The following FBXO44 variants were observed in gnomAD, a reference collection of about 807,000 sequenced individuals.
FBXO44 encodes F-box protein 44, also known as F-box only protein 44.
In FBXO44, 25 loss-of-function variants were observed where a neutral mutation model predicts 33.5. The ratio of observed to expected loss-of-function variants is 0.75; its 90% CI spans 0.54 to 1.04. The LOEUF is 1.04. Ranked by LOEUF, FBXO44 falls within the 50% of genes least tolerant of loss-of-function variation. The pLI is 0.00. For synonymous variants in FBXO44, 147 were observed against 152.8 expected, an observed-to-expected ratio of 0.96 and a Z score of 0.28; for missense variants, 311 against 344.0, an observed-to-expected ratio of 0.90 and a Z score of 0.76.
chr1:11,657,968 G>C (rs1639922246), intron 2 of FBXO44, among the ~76,000 whole-genome samples: 1 of 152,126 alleles, frequency 6.6e-6, no homozygotes, highest in African/African-American at 2.4e-5. Context: ...ACCGAGTACT[G>C]GTAGAGCTGG....
intron 2 of FBXO44, 133 bp downstream of exon 2, chr1:11,656,233 G>T: frequency 8.1e-7 from 1 of 1,233,390 alleles, no homozygotes. Flanking sequence ...AACCCAAAGA[G>T]GTAGCTACTG....
chr1:11,658,145 C>T (rs1047115611), intron 2 of FBXO44, 122 bp from the exon 3 acceptor site: 1 of 1,531,322 alleles, frequency 6.5e-7, no homozygotes, highest in African/African-American at 1.4e-5. Flanking sequence ...TGCAGCGTCC[C>T]ACAGCACAGG....
chr1:11,654,464 C>T (rs1291230894), upstream of FBXO44: 1 of 967,514 alleles, frequency 1.0e-6, no homozygotes, highest in Non-Finnish European at 1.4e-6. Context: ...CTTAAAGGCC[C>T]CCGACCCGAC....
upstream of FBXO44, chr1:11,654,533 C>G (rs1056230744): frequency 2.3e-6 from 1 of 427,498 alleles, no homozygotes; most frequent in Non-Finnish European, 3.9e-6. Context: ...GCAGTCTGCT[C>G]GAGGCCCGGG....
chr1:11,655,697 G>GAGGT lies in FBXO44; in HGVS notation c.-30-107_-30-104dup, dbSNP rs138091474. On this transcript the variant is annotated intron_variant, in intron 1 of 5. Coordinates refer to ENST00000251547, the MANE Select transcript of FBXO44 (RefSeq NM_033182.7). ...CCTTGGACCGCCCCAGTGACCCCTGGAGGTAAGGCATCCATTTACAGAGAA... is the reference window on the plus strand; with the variant it reads ...CCTTGGACCGCCCCAGTGACCCCTGGAGGTAGGTAAGGCATCCATTTACAGAGAA... 1,525 of 1,188,254 alleles carry GAGGT rather than the reference G, an allele frequency of 1.3e-3. 21 individuals are homozygous for GAGGT. The African/African-American group carries it at 0.021, about 16-fold the overall frequency. The allele number at this position is 1,188,254 out of a possible 1,614,324, so 73.6% of individuals were successfully genotyped here. A position where few individuals can be genotyped will look rare whatever the true frequency, so the allele number is the denominator to read the frequency against.
In FBXO44 at chr1:11,655,650, A is replaced by G. The variant is rs546931601; in HGVS notation, c.-30-156A>G. 21 of 673,962 alleles carry G rather than the reference A, an allele frequency of 3.1e-5. No individual in the cohort carries two copies. In the East Asian group the frequency reaches 5.8e-4, roughly 18 times the overall value. 41.7% of individuals were successfully genotyped at this position (673,962 alleles called of 1,614,324 possible). A position where few individuals can be genotyped will look rare whatever the true frequency, so the allele number is the denominator to read the frequency against. On this transcript the variant is annotated intron_variant, in intron 1 of 5. Coordinates refer to ENST00000251547, the MANE Select transcript of FBXO44 (RefSeq NM_033182.7). ...AAAATCAGAGCTCACCTTTTATTAA[A>G]GTACCTGATGTGTCCCAAGCTCCTT... is the stretch of plus-strand genomic sequence containing the variant.
At position 11,661,283 on chromosome 1, in the gene FBXO44, A is replaced by C; in HGVS notation, c.*10A>C. The C allele has an allele frequency of 6.2e-7, 1 of 1,613,954 alleles. No homozygotes were observed. Among genetic ancestry groups the C allele is most frequent in the East Asian group, 2.2e-5 (1 of 44,864 alleles). Reference sequence around the variant, plus strand: ...GCCCCCGCTGCCCTGACACCCCCTGAGCCCCCATCTGCTGAACCCTGACTG... The same window carrying C: ...GCCCCCGCTGCCCTGACACCCCCTGCGCCCCCATCTGCTGAACCCTGACTG... On this transcript the variant is annotated 3_prime_UTR_variant, in exon 6 of 6. Coordinates refer to ENST00000251547, the MANE Select transcript of FBXO44 (RefSeq NM_033182.7). The surrounding 1 kb of genome is among the most constrained non-coding windows in gnomAD (Gnocchi z 4.4).
rs764071113 is a variant in FBXO44, at chr1:11,655,839, G to A, written c.4G>A (p.Ala2Thr). Residue 2 changes from alanine to threonine, a missense_variant, in exon 2 of 6, where the codon GCT (alanine) becomes ACT (threonine). Physicochemically the swap from Ala to Thr is moderately conservative, Grantham distance 58. Transcript: ENST00000251547. M[A>T]VGNINELPEN... ...GGGTGTCCAGAAGCCACAAGCCATG[G>A]CTGTGGGGAACATCAACGAGCTGCC... is the stretch of plus-strand genomic sequence containing the variant. The A allele has an allele frequency of 2.5e-5, 40 of 1,613,568 alleles. 1 individual carries two copies. In the South Asian group the frequency reaches 4.4e-4, roughly 18 times the overall value.
At chr1:11,658,190 G>T (rs1331496446) in intron 2 of FBXO44, 77 bp from the exon 3 acceptor site, 1 of 1,602,190 alleles carries the variant, frequency 6.2e-7, no homozygotes, top group South Asian at 1.1e-5. Flanking sequence ...AGGCAGAGGA[G>T]TGGGGAGGAA....
At chr1:11,654,412 C>G, upstream of FBXO44, 2 of 1,312,364 alleles carry the variant, frequency 1.5e-6, no homozygotes, top group Non-Finnish European at 1.9e-6. Context: ...GCGGCGAGTC[C>G]CGGCGCTGTC....
chr1:11,658,826 A>G lies in FBXO44; in HGVS notation c.579A>G (p.Pro193=). The change falls in exon 5 of 6, where the codon CCA becomes CCG. Residue 193 remains proline (P), a synonymous_variant. Transcript: ENST00000251547. ...SAHAPLGTFQ[P]DPATIQQKSD... is the part of the protein sequence containing the mutation. ...ACGCGCCTCTGGGGACCTTCCAGCC[A>G]GACCCGGCGACCATCCAGCAGAAGA... The G allele has an allele frequency of 6.2e-7, 1 of 1,612,662 alleles. No homozygotes were observed. Among genetic ancestry groups the G allele is most frequent in the South Asian group, 1.1e-5 (1 of 91,074 alleles).
In FBXO44 at chr1:11,658,298, T is replaced by G; in HGVS notation, c.297T>G (p.Asn99Lys). The G allele has an allele frequency of 6.2e-7, 1 of 1,613,728 alleles. No homozygotes were observed. Among genetic ancestry groups the G allele is most frequent in the African/African-American group, 1.3e-5 (1 of 74,990 alleles). The change falls in exon 3 of 6, where the codon AAT becomes AAG. Residue 99 changes from asparagine (N) to lysine (K), a missense_variant. Physicochemically the swap from Asn to Lys is moderately conservative, Grantham distance 94 (BLOSUM62 0). Coordinates refer to ENST00000251547, the MANE Select transcript of FBXO44 (RefSeq NM_033182.7). ...TCGAGTTCTGGAGCCTGGATGTGAA[T>G]GGAGGCGATGAGTGGAAGGTGGAGG... ...EGFEFWSLDV[N>K]GGDEWKVEDL...
intron 1 of FBXO44, among the ~76,000 whole-genome samples, chr1:11,655,176 A>G (rs989280469): frequency 4.4e-5 from 6 of 137,234 alleles, no homozygotes; most frequent in Admixed American, 3.3e-4. Flanking sequence ...TTTGGGGGGC[A>G]TTTTAAGGCA....
At position 11,658,417 on chromosome 1, in the gene FBXO44, G is replaced by A. The variant is rs565349645; in HGVS notation, c.392+24G>A. The A allele has an allele frequency of 1.8e-5, 29 of 1,613,648 alleles. 1 individual carries two copies. The highest frequency in any genetic ancestry group is 5.3e-5 in the African/African-American group (4 of 75,024). On this transcript the variant is annotated intron_variant, in intron 3 of 5. Transcript: ENST00000251547. The stretch of plus-strand genomic sequence containing the variant: ...TAGTAAGATCCGGGGACTTGGGGTA[G>A]GGGAAAGCCCAAATCAATTTACCCT...
intron 2 of FBXO44, 126 bp downstream of exon 2, chr1:11,656,226 C>A: frequency 7.7e-7 from 1 of 1,303,040 alleles, no homozygotes; most frequent in Non-Finnish European, 1.0e-6. Context: ...TCACAGTAAC[C>A]CAAAGAGGTA....
rs755895637 is a variant in FBXO44 at position 11,655,863 on chromosome 1, C to T, written c.28C>T (p.Pro10Ser). 3.1e-6 allele frequency: 5 copies of T among 1,613,880 alleles called. No individual in the cohort carries two copies. In the Admixed American group the frequency reaches 5.0e-5, roughly 16 times the overall value. Residue 10 changes from proline (P) to serine (S), a missense_variant, in exon 2 of 6, where the codon CCC becomes TCC. Pro to Ser is a moderately conservative substitution (Grantham distance 74). Transcript: ENST00000251547. ...GGCTGTGGGGAACATCAACGAGCTG[C>T]CCGAGAACATCCTGCTGGAGCTGTT... MAVGNINEL[P>S]ENILLELFTH...
chr1:11,660,723 G>GC (rs1395226112), intron 5 of FBXO44, among the ~76,000 whole-genome samples: 1 of 152,004 alleles, frequency 6.6e-6, no homozygotes, highest in Non-Finnish European at 1.5e-5. Context: ...TTGTTCCCCT[G>GC]CCCCCCTCAG....
chr1:11,658,270 G>C lies in FBXO44; in HGVS notation c.269G>C (p.Gly90Ala), dbSNP rs762530992. 3.7e-6 allele frequency: 6 copies of C among 1,613,810 alleles called. No individual in the cohort carries two copies. The South Asian group carries it at 6.6e-5, about 18-fold the overall frequency. ...GTGAACTCTGCTTTTCCATCAGAGG[G>C]GTTCGAGTTCTGGAGCCTGGATGTG... ...NLLHNPCAEEGFEFWSLDVNG... is the reference protein window; with the variant it reads ...NLLHNPCAEEAFEFWSLDVNG... Residue 90 changes from glycine (G) to alanine (A), a missense_variant, in exon 3 of 6, where the codon GGG (glycine) becomes GCG (alanine). Physicochemically the swap from Gly to Ala is moderately conservative, Grantham distance 60. Transcript: ENST00000251547.
In FBXO44 at chr1:11,662,752, A is replaced by T. The variant is rs894323318; in HGVS notation, c.*1479A>T. The stretch of plus-strand genomic sequence containing the variant: ...GAATGGTAATCCTGGGTGTTTAGGG[A>T]GAGACCTGGTGGGAAGTGATTGGAT... On this transcript the variant is annotated 3_prime_UTR_variant, in exon 6 of 6. Transcript: ENST00000251547. 1 of 152,128 alleles carries T rather than the reference A, an allele frequency of 6.6e-6. No individual in the cohort carries two copies. The highest frequency in any genetic ancestry group is 2.4e-5 in the African/African-American group (1 of 41,402). The allele number at this position is 152,128 out of a possible 1,614,324, so 9.4% of individuals were successfully genotyped here.
Sources: gnomAD v4.1 joint callset for allele counts (sites outside exome capture counted in the v4.1 genomes callset) on GRCh38, gnomAD v4.1.1 for gene constraint, Gnocchi (gnomAD v3.1) non-coding constraint, MANE v1.5 for transcripts, NCBI Gene and HGNC (gene_info 2026-07-23, HGNC 2026-07-21) for gene names.